Variants in TCAIM observed in about 807,000 individuals in gnomAD.
TCAIM encodes the protein T-cell activation inhibitor, mitochondrial.
Under a neutral mutation model 58.6 loss-of-function variants are expected in TCAIM, and 36 were observed. The observed-to-expected ratio is 0.61, with a 90% CI of 0.47 to 0.81. TCAIM has a LOEUF of 0.81. Among genes scored for constraint, TCAIM ranks in the 30% least tolerant of loss-of-function variants. The pLI is 0.00. For missense variants in TCAIM, 466 were observed against 579.6 expected (o/e 0.80, Z 2.01); for synonymous variants, 172 against 193.6 (o/e 0.89, Z 0.93).
upstream of TCAIM, chr3:44,338,131 T>G (rs992810658): frequency 7.2e-5 from 11 of 152,408 alleles, no homozygotes; most frequent in African/African-American, 2.4e-4. Flanking sequence ...CCTCCAGCAG[T>G]CCCTTTCCCC....
chr3:44,386,093 A>G (rs1035355987), intron 5 of TCAIM, among the ~76,000 whole-genome samples: 4 of 149,730 alleles, frequency 2.7e-5, no homozygotes, highest in Admixed American at 2.0e-4. Context: ...CGCACCTATA[A>G]TCCCAGCTAC....
intron 10 of TCAIM, among the ~76,000 whole-genome samples, chr3:44,405,915 G>A (rs1051022877): frequency 3.6e-5 from 5 of 137,760 alleles, no homozygotes; most frequent in Non-Finnish European, 7.6e-5. Context: ...TCACGCCACT[G>A]CACTCCAGCC....
At chr3:44,360,679 C>T (rs923111716) in intron 3 of TCAIM, among the ~76,000 whole-genome samples, 19 of 151,646 alleles carry the variant, frequency 1.3e-4, no homozygotes, top group African/African-American at 4.6e-4. Context: ...TCAAGGGGCT[C>T]ACTGCAGCCT....
intron 5 of TCAIM, among the ~76,000 whole-genome samples, chr3:44,380,219 G>A (rs1701633542): frequency 6.6e-6 from 1 of 152,168 alleles, no homozygotes; most frequent in African/African-American, 2.4e-5. Context: ...TGATAGATCA[G>A]TAAGGTGACT....
intron 5 of TCAIM, among the ~76,000 whole-genome samples, chr3:44,372,170 T>G (rs1403601908): frequency 6.6e-6 from 1 of 152,220 alleles, no homozygotes; most frequent in Non-Finnish European, 1.5e-5. Context: ...GACCTGAGTA[T>G]GCACAGATTT....
At chr3:44,351,494 A>G (rs1041411896) in intron 1 of TCAIM, among the ~76,000 whole-genome samples, 9 of 150,972 alleles carry the variant, frequency 6.0e-5, no homozygotes, top group African/African-American at 2.2e-4. Context: ...ATTTTATTTT[A>G]TTTTATTTAT....
At chr3:44,374,853 G>T (rs1171035420) in intron 5 of TCAIM, among the ~76,000 whole-genome samples, 1 of 152,282 alleles carries the variant, frequency 6.6e-6, no homozygotes, top group East Asian at 1.9e-4. Flanking sequence ...AAACTCCTTT[G>T]TTTTATACAG....
At chr3:44,400,047 A>G (rs1021832996) in intron 8 of TCAIM, among the ~76,000 whole-genome samples, 15 of 152,218 alleles carry the variant, frequency 9.9e-5, no homozygotes, top group Non-Finnish European at 1.8e-4. Context: ...ATTCTAAACT[A>G]ATTTAAGATT....
At chr3:44,356,395 C>T (rs971593412) in intron 2 of TCAIM, among the ~76,000 whole-genome samples, 4 of 151,930 alleles carry the variant, frequency 2.6e-5, no homozygotes, top group African/African-American at 7.3e-5. Context: ...GGCACGGTGG[C>T]GTGCACCTGT....
chr3:44,383,461 G>A (rs1246784362), intron 5 of TCAIM, among the ~76,000 whole-genome samples: 1 of 152,164 alleles, frequency 6.6e-6, no homozygotes. Context: ...ACAGATGGTG[G>A]ATGATTCTAC....
intron 2 of TCAIM, among the ~76,000 whole-genome samples, chr3:44,357,406 T>C (rs1701215973): frequency 6.7e-6 from 1 of 148,234 alleles, no homozygotes; most frequent in Non-Finnish European, 1.5e-5. Context: ...AGAATTACAC[T>C]ATTGGATATT....
At chr3:44,364,627 C>A (rs7613296) in intron 4 of TCAIM, among the ~76,000 whole-genome samples, 98,435 of 151,556 alleles carry the variant, frequency 0.65, 32,810 homozygotes, top group East Asian at 0.97. Flanking sequence ...CTGTAGTCCC[C>A]GCTACTCGAG....
At position 44,407,956 on chromosome 3, in the gene TCAIM, T is replaced by C; in HGVS notation, c.*274T>C. 4.0e-6 allele frequency: 1 copy of C among 250,240 alleles called. No homozygotes were observed. The highest frequency in any genetic ancestry group is 9.4e-5 in the South Asian group (1 of 10,666). The allele number at this position is 250,240 out of a possible 1,614,324, so 15.5% of individuals were successfully genotyped here. Reference sequence around the variant, plus strand: ...GGCCAAGGTTGCAGTGGGCCCAGATTGCACCATTGCCCTCCAGCCTGAGCA... The same window carrying C: ...GGCCAAGGTTGCAGTGGGCCCAGATCGCACCATTGCCCTCCAGCCTGAGCA... On this transcript the variant is annotated 3_prime_UTR_variant, in exon 11 of 11. Transcript: ENST00000342649.
chr3:44,372,066 GA>G (rs1701485388), intron 5 of TCAIM, among the ~76,000 whole-genome samples: 1 of 121,454 alleles, frequency 8.2e-6, no homozygotes, highest in Non-Finnish European at 1.8e-5. Context: ...AGGAAGGAAG[GA>G]AGGAAGGAAG....
intron 2 of TCAIM, among the ~76,000 whole-genome samples, chr3:44,355,038 G>A (rs1156271036): frequency 6.6e-6 from 1 of 152,144 alleles, no homozygotes; most frequent in Non-Finnish European, 1.5e-5. Context: ...GGTGTGAAAA[G>A]CTTAAAAGGA....
chr3:44,401,143 T>C (rs1340874021), intron 9 of TCAIM, 60 bp from the exon 10 acceptor site: 1 of 1,569,156 alleles, frequency 6.4e-7, no homozygotes, highest in Non-Finnish European at 8.6e-7. Flanking sequence ...TAAAATATTT[T>C]CTCTGGTGGG....
chr3:44,353,713 A>G (rs1274726796), intron 1 of TCAIM, among the ~76,000 whole-genome samples: 3 of 151,920 alleles, frequency 2.0e-5, no homozygotes, highest in Non-Finnish European at 4.4e-5. Flanking sequence ...CTCATTTGCC[A>G]TCTGTATGTC....
Position 44,392,574 on chromosome 3 carries a change from G to A in TCAIM, c.573-281G>A, listed in dbSNP as rs371595657. ...TCCCGTTTATAAGTGAGAACATGCA[G>A]TATGTGGTTTTCTGTTCCTGTGTTA... On this transcript the variant is annotated intron_variant, in intron 5 of 10. Coordinates refer to ENST00000342649, the MANE Select transcript of TCAIM (RefSeq NM_173826.4). Among the ~76,000 whole-genome samples the A allele has an allele frequency of 2.0e-5, 3 of 152,326 alleles. No individual in the cohort carries two copies. The East Asian group carries it at 5.8e-4, about 29-fold the overall frequency.
chr3:44,384,901 T>C (rs1421741241), intron 5 of TCAIM, among the ~76,000 whole-genome samples: 1 of 152,200 alleles, frequency 6.6e-6, no homozygotes, highest in Non-Finnish European at 1.5e-5. Flanking sequence ...TACAGGCATT[T>C]ATTAAATTTC....
Sources: gnomAD v4.1 joint callset for allele counts (sites outside exome capture counted in the v4.1 genomes callset) on GRCh38, gnomAD v4.1.1 for gene constraint, MANE v1.5 for transcripts, NCBI Gene and HGNC (gene_info 2026-07-23, HGNC 2026-07-21) for gene names.